The following SLC7A11 variants were observed in gnomAD, a reference collection of about 807,000 sequenced individuals.
SLC7A11 encodes the protein cystine/glutamate transporter.
In SLC7A11, 35 loss-of-function variants were observed where a neutral mutation model predicts 54.5. The observed-to-expected ratio is 0.64, with a 90% CI of 0.49 to 0.85. SLC7A11 has a LOEUF of 0.85. Ranked by LOEUF, SLC7A11 falls within the 40% of genes least tolerant of loss-of-function variation. The probability of loss-of-function intolerance (pLI) is 0.00; values close to 1 mark genes in which losing one functional copy is unlikely to be tolerated. For synonymous variants in SLC7A11, 230 were observed against 225.2 expected, an observed-to-expected ratio of 1.02 and a Z score of -0.19; for missense variants, 583 against 618.1, an observed-to-expected ratio of 0.94 and a Z score of 0.60.
At chr4:138,180,599 G>GGA (rs767758099) in intron 10 of SLC7A11, 42 bp downstream of exon 10, 2 of 1,600,222 alleles carry the variant, frequency 1.2e-6, no homozygotes, top group African/African-American at 2.7e-5. Flanking sequence ...CTAGGTATTA[G>GGA]GAGAGAGATT....
chr4:138,206,012 C>T (rs1271151371), intron 6 of SLC7A11, among the ~76,000 whole-genome samples: 3 of 151,876 alleles, frequency 2.0e-5, no homozygotes, highest in African/African-American at 7.3e-5. Context: ...TGCTAACCAG[C>T]ATAAGGAAGT....
chr4:138,186,513 G>A lies in SLC7A11; in HGVS notation c.792-1269C>T, dbSNP rs539388211. 3.9e-5 allele frequency among the ~76,000 whole-genome samples: 6 copies of A among 152,138 alleles called. No individual in the cohort carries two copies. In the East Asian group the frequency reaches 7.8e-4, roughly 20 times the overall value. ...GCTGCTTGGAGCCTGACACTTCCCC[G>A]GATTCCCAAAGCCTTCAGCCTTGAT... On this transcript the variant is annotated intron_variant, in intron 6 of 11. Coordinates refer to ENST00000280612, the MANE Select transcript of SLC7A11 (RefSeq NM_014331.4).
intron 6 of SLC7A11, among the ~76,000 whole-genome samples, chr4:138,206,719 T>C (rs923506367): frequency 6.6e-6 from 1 of 151,964 alleles, no homozygotes; most frequent in African/African-American, 2.4e-5. Context: ...AATGTATTTT[T>C]TATGCATATG....
At chr4:138,214,304 T>C (rs534655799) in intron 6 of SLC7A11, among the ~76,000 whole-genome samples, 1 of 152,072 alleles carries the variant, frequency 6.6e-6, no homozygotes, top group East Asian at 1.9e-4. Context: ...ATAGGCTACC[T>C]AAAATATAAC....
rs766512831 is a variant in SLC7A11 at position 138,219,313 on chromosome 4, C to T, written c.699G>A (p.Thr233=). ...DAFSGRDSSI[T]RLPLAFYYGM... is the part of the protein sequence containing the mutation. ...CATAATAAAAAGCCAGTGGCAACCG[C>T]GTAATACTTGAATCTCTTCCTGAAA... The change falls in exon 5 of 12, where the codon ACG becomes ACA. Residue 233 remains threonine (T), a synonymous_variant. Transcript: ENST00000280612. The T allele has an allele frequency of 2.2e-5, 35 of 1,611,164 alleles. No individual in the cohort carries two copies. Among genetic ancestry groups the T allele is most frequent in the African/African-American group, 2.7e-5 (2 of 74,816 alleles).
At chr4:138,189,074 T>C (rs974584345) in intron 6 of SLC7A11, among the ~76,000 whole-genome samples, 26 of 152,286 alleles carry the variant, frequency 1.7e-4, no homozygotes, top group Admixed American at 4.6e-4. Context: ...AAATTGGCAC[T>C]TACAACCAGT....
Position 138,219,329 on chromosome 4 carries a change from C to T in SLC7A11, c.683G>A (p.Arg228Lys), listed in dbSNP as rs372955852. Reference protein sequence around the residue: ...TQNFKDAFSGRDSSITRLPLA... With the variant: ...TQNFKDAFSGKDSSITRLPLA... ...TGGCAACCGCGTAATACTTGAATCT[C>T]TTCCTGAAAAGGCGTCTTTAAAGTT... Residue 228 changes from arginine to lysine, a missense_variant, in exon 5 of 12, where the codon AGA becomes AAA. Coordinates refer to ENST00000280612, the MANE Select transcript of SLC7A11 (RefSeq NM_014331.4). The T allele has an allele frequency of 6.5e-5, 105 of 1,611,058 alleles. No individual in the cohort carries two copies. The highest frequency in any genetic ancestry group is 7.4e-5 in the Non-Finnish European group (87 of 1,177,556).
intron 6 of SLC7A11, among the ~76,000 whole-genome samples, chr4:138,198,538 T>A (rs908037956): frequency 2.0e-5 from 3 of 152,162 alleles, no homozygotes; most frequent in African/African-American, 7.2e-5. Flanking sequence ...CAGGATTTTT[T>A]AAAATAATGA....
At chr4:138,192,172 T>C (rs1037042787) in intron 6 of SLC7A11, among the ~76,000 whole-genome samples, 2 of 152,190 alleles carry the variant, frequency 1.3e-5, no homozygotes, top group Non-Finnish European at 2.9e-5. Flanking sequence ...GTCTGTTTTC[T>C]CTTTCCAAAG....
At chr4:138,199,060 C>T (rs954041073) in intron 6 of SLC7A11, among the ~76,000 whole-genome samples, 1 of 152,074 alleles carries the variant, frequency 6.6e-6, no homozygotes, top group Admixed American at 6.6e-5. Context: ...ATGATACAGA[C>T]AAAGCCCTGG....
intron 3 of SLC7A11, among the ~76,000 whole-genome samples, chr4:138,228,758 C>CAAAAAAAA (rs5862371): frequency 1.9e-4 from 13 of 67,768 alleles, no homozygotes; most frequent in South Asian, 6.9e-4. Flanking sequence ...GACTCCGTCT[C>CAAAAAAAA]AAAAAAAAAA....
intron 3 of SLC7A11, among the ~76,000 whole-genome samples, chr4:138,224,813 TGAAAGGAAGGAAGGAA>T (rs1225309504): frequency 2.1e-4 from 12 of 57,720 alleles, no homozygotes; most frequent in Admixed American, 4.9e-4. Context: ...GAAGGAAGGA[TGAAAGGAAGGAAGGAA>T]GGAAGGAAGG....
chr4:138,225,625 ATTCCT>A (rs1737930302), intron 3 of SLC7A11, among the ~76,000 whole-genome samples: 1 of 152,118 alleles, frequency 6.6e-6, no homozygotes, highest in South Asian at 2.1e-4. Flanking sequence ...TCATCCAGTG[ATTCCT>A]TTCCTTTTCT....
chr4:138,242,223 CT>C lies in SLC7A11; in HGVS notation c.-155del. On this transcript the variant is annotated 5_prime_UTR_variant, in exon 1 of 12. Transcript: ENST00000280612. ...TCACAGGTGAAAACTCAAAGGTGTG[CT>C]TTTTCCTTCACAGCGATCTAATTAC... 4 of 817,132 alleles carry C rather than the reference CT, an allele frequency of 4.9e-6. No homozygotes were observed. The highest frequency in any genetic ancestry group is 3.6e-5 in the South Asian group (2 of 55,248). 50.6% of individuals were successfully genotyped at this position (817,132 alleles called of 1,614,324 possible).
intron 6 of SLC7A11, among the ~76,000 whole-genome samples, chr4:138,212,091 G>A (rs79154376): frequency 0.011 from 1,665 of 151,842 alleles, 28 homozygotes; most frequent in South Asian, 0.014. Flanking sequence ...ATCCTGATTT[G>A]ATCATTACAC....
intron 5 of SLC7A11, among the ~76,000 whole-genome samples, chr4:138,215,718 T>C (rs1737663621): frequency 6.6e-6 from 1 of 151,822 alleles, no homozygotes; most frequent in African/African-American, 2.4e-5. Flanking sequence ...ATGTGTTTGC[T>C]ATAAGCCTGA....
At chr4:138,198,763 A>T (rs1249961021) in intron 6 of SLC7A11, among the ~76,000 whole-genome samples, 1 of 152,168 alleles carries the variant, frequency 6.6e-6, no homozygotes, top group Non-Finnish European at 1.5e-5. Flanking sequence ...TTTTTGCACC[A>T]ACCTAATACA....
chr4:138,232,425 A>T (rs1738102063), intron 2 of SLC7A11, 43 bp from the exon 3 acceptor site: 1 of 1,100,288 alleles, frequency 9.1e-7, no homozygotes, highest in Admixed American at 2.0e-5. Flanking sequence ...CAGGGGAAAA[A>T]ACTGCATTTT....
intron 10 of SLC7A11, among the ~76,000 whole-genome samples, chr4:138,179,773 A>T (rs1281288627): frequency 2.6e-5 from 4 of 152,148 alleles, no homozygotes; most frequent in Non-Finnish European, 1.5e-5. Context: ...AACCCACTTT[A>T]ATGTGGAGTC....
Sources: gnomAD v4.1 joint callset for allele counts (sites outside exome capture counted in the v4.1 genomes callset) on GRCh38, gnomAD v4.1.1 for gene constraint, MANE v1.5 for transcripts, NCBI Gene and HGNC (gene_info 2026-07-23, HGNC 2026-07-21) for gene names.